Variants in KLRG1 observed in about 807,000 individuals in gnomAD.
KLRG1 encodes killer cell lectin-like receptor subfamily G member 1.
Under a neutral mutation model 21.8 loss-of-function variants are expected in KLRG1, and 16 were observed. The observed-to-expected ratio is 0.73, with a 90% confidence interval of 0.50 to 1.11. KLRG1 has a LOEUF of 1.11. Among genes scored for constraint, KLRG1 ranks in the 50% most tolerant of loss-of-function variants. The pLI, the probability that KLRG1 is intolerant of heterozygous loss-of-function variation, is 0.00. For synonymous variants in KLRG1, 69 were observed against 75.9 expected (o/e 0.91, Z 0.47); for missense variants, 173 against 218.3 (o/e 0.79, Z 1.31).
At chr12:9,154,785 A>C in the KLRG1 span, 2 of 1,613,994 alleles carry the variant, frequency 1.2e-6, no homozygotes, top group Middle Eastern at 1.6e-4. Context: ...GGTTTGGTAA[A>C]GATGCCCCAC....
At chr12:9,188,840 A>C in the KLRG1 span, among the ~76,000 whole-genome samples, 5 of 152,218 alleles carry the variant, frequency 3.3e-5, no homozygotes, top group African/African-American at 1.2e-4. Context: ...AGATCTATAC[A>C]ATGAGAATTA....
the KLRG1 span, chr12:9,027,859 C>T: frequency 3.2e-6 from 3 of 928,884 alleles, no homozygotes; most frequent in Non-Finnish European, 5.3e-6. Flanking sequence ...TCACTCCCAC[C>T]AAAACCACCT....
the KLRG1 span, among the ~76,000 whole-genome samples, chr12:9,150,163 A>G: frequency 6.6e-6 from 1 of 152,178 alleles, no homozygotes; most frequent in African/African-American, 2.4e-5. Flanking sequence ...TATGTTATCT[A>G]TGTCTCTAAA....
chr12:9,012,479 C>T (rs1161915419), downstream of KLRG1, among the ~76,000 whole-genome samples: 2 of 152,056 alleles, frequency 1.3e-5, no homozygotes, highest in Non-Finnish European at 2.9e-5. Context: ...CAGCAGTACC[C>T]AGGCAGTGTT....
At chr12:9,079,155 C>T in the KLRG1 span, 8 of 991,086 alleles carry the variant, frequency 8.1e-6, no homozygotes, top group Non-Finnish European at 1.2e-5. Flanking sequence ...TAATACATAT[C>T]TGATAGTGTT....
At chr12:8,968,417 G>A (rs749828621) in intron 1 of KLRG1, among the ~76,000 whole-genome samples, 4 of 152,256 alleles carry the variant, frequency 2.6e-5, no homozygotes, top group African/African-American at 9.6e-5. Context: ...AGGATAAAAG[G>A]GTCAGATAAT....
At chr12:9,047,265 G>T in the KLRG1 span, among the ~76,000 whole-genome samples, 1 of 152,184 alleles carries the variant, frequency 6.6e-6, no homozygotes, top group Non-Finnish European at 1.5e-5. Context: ...GGTGTGACAG[G>T]AATGTTATAA....
chr12:8,962,745 A>G (rs891879724), intron 1 of KLRG1, among the ~76,000 whole-genome samples: 1 of 151,940 alleles, frequency 6.6e-6, no homozygotes, highest in South Asian at 2.1e-4. Context: ...AAGAAAGAAA[A>G]AAAGTAAAGG....
At chr12:9,011,017 TC>T (rs1947624663), downstream of KLRG1, among the ~76,000 whole-genome samples, 1 of 152,164 alleles carries the variant, frequency 6.6e-6, no homozygotes, top group Admixed American at 6.5e-5. Context: ...GTAGTGACTC[TC>T]AATTAAGGAT....
the KLRG1 span, among the ~76,000 whole-genome samples, chr12:9,120,804 C>T: frequency 6.6e-6 from 1 of 150,900 alleles, no homozygotes; most frequent in Non-Finnish European, 1.5e-5. Context: ...CAGAGATGTA[C>T]TCAGTGATCA....
chr12:9,110,964 A>C, the KLRG1 span, among the ~76,000 whole-genome samples: 1 of 152,180 alleles, frequency 6.6e-6, no homozygotes, highest in African/African-American at 2.4e-5. Flanking sequence ...TTTGCTATGC[A>C]ATTTTACAGG....
chr12:9,182,074 A>T, the KLRG1 span: 1 of 1,613,966 alleles, frequency 6.2e-7, no homozygotes. Flanking sequence ...CAATGGGGGC[A>T]ACGTCTGACT....
the KLRG1 span, among the ~76,000 whole-genome samples, chr12:9,144,037 C>G: frequency 2.0e-5 from 3 of 152,234 alleles, no homozygotes; most frequent in Non-Finnish European, 4.4e-5. Context: ...GATGGCATAC[C>G]TGACTTTCCC....
At chr12:9,112,170 G>C in the KLRG1 span, 1 of 1,613,706 alleles carries the variant, frequency 6.2e-7, no homozygotes, top group Non-Finnish European at 8.5e-7. Context: ...AACTCATTCA[G>C]GGGGTGAAAG....
At chr12:9,207,897 T>C in the KLRG1 span, among the ~76,000 whole-genome samples, 1 of 151,216 alleles carries the variant, frequency 6.6e-6, no homozygotes, top group Non-Finnish European at 1.5e-5. Context: ...ATACTTTCTG[T>C]ATATATATAT....
At chr12:9,192,562 G>A in the KLRG1 span, 2 of 1,614,070 alleles carry the variant, frequency 1.2e-6, no homozygotes, top group Non-Finnish European at 1.7e-6. Flanking sequence ...TGTCTATTCA[G>A]TGTATAGTGT....
At chr12:8,969,864 TCA>T (rs1946538839) in intron 1 of KLRG1, among the ~76,000 whole-genome samples, 1 of 152,106 alleles carries the variant, frequency 6.6e-6, no homozygotes, top group South Asian at 2.1e-4. Flanking sequence ...GCCTGTAATC[TCA>T]ACACTTTGGG....
chr12:9,205,239 T>C, the KLRG1 span, among the ~76,000 whole-genome samples: 1 of 152,196 alleles, frequency 6.6e-6, no homozygotes, highest in Non-Finnish European at 1.5e-5. Flanking sequence ...TGGCCTTAGC[T>C]TTATTGATGA....
the KLRG1 span, among the ~76,000 whole-genome samples, chr12:9,086,711 C>G: frequency 6.6e-6 from 1 of 152,166 alleles, no homozygotes; most frequent in African/African-American, 2.4e-5. Context: ...GAAAGACTTT[C>G]CTTTAAGATC....
Sources: gnomAD v4.1 joint callset for allele counts (sites outside exome capture counted in the v4.1 genomes callset) on GRCh38, gnomAD v4.1.1 for gene constraint, MANE v1.5 for transcripts, NCBI Gene and HGNC (gene_info 2026-07-23, HGNC 2026-07-21) for gene names.